Variants in DSCAM observed in about 807,000 individuals in gnomAD.
The protein encoded by DSCAM is DS cell adhesion molecule.
DSCAM carries 47 observed loss-of-function variants against 217.7 expected under a neutral mutation model. That is an observed-to-expected ratio of 0.22 (90% CI 0.17 to 0.28). DSCAM has a LOEUF of 0.28. Among genes scored for constraint, DSCAM ranks in the 10% least tolerant of loss-of-function variants. The pLI, the probability that DSCAM is intolerant of heterozygous loss-of-function variation, is 1.00. For missense variants in DSCAM, 2,080 were observed against 2,618.3 expected (o/e 0.79, Z 4.49); for synonymous variants, 1,056 against 1,015.3 (o/e 1.04, Z -0.76).
intron 1 of DSCAM, among the ~76,000 whole-genome samples, chr21:40,801,666 GT>G (rs770666315): frequency 3.3e-5 from 5 of 152,172 alleles, no homozygotes; most frequent in Non-Finnish European, 5.9e-5. Context: ...AACTGCCCTA[GT>G]TAGGCTCAAG....
Position 40,429,007 on chromosome 21 carries a change from T to C in DSCAM, c.509-59762A>G, listed in dbSNP as rs549742080. Among the ~76,000 whole-genome samples the C allele has an allele frequency of 9.3e-4, 141 of 151,562 alleles. 1 individual carries two copies. The highest frequency in any genetic ancestry group is 4.2e-3 in the South Asian group (20 of 4,816). The stretch of plus-strand genomic sequence containing the variant: ...TGACAGCCCCCACATGGCTACTGAG[T>C]ACATACTGTATAGGAGGCTCTGAGC... On this transcript the variant is annotated intron_variant, in intron 3 of 32. Coordinates refer to ENST00000400454, the MANE Select transcript of DSCAM (RefSeq NM_001389.5).
At chr21:40,482,748 A>G (rs1017998152) in intron 3 of DSCAM, among the ~76,000 whole-genome samples, 3 of 152,130 alleles carry the variant, frequency 2.0e-5, no homozygotes, top group Non-Finnish European at 2.9e-5. Flanking sequence ...GAAGCCCCCT[A>G]TGTTTTCTCC....
intron 9 of DSCAM, among the ~76,000 whole-genome samples, chr21:40,304,325 A>C (rs1277778193): frequency 6.6e-6 from 1 of 152,238 alleles, no homozygotes; most frequent in African/African-American, 2.4e-5. Context: ...CAGCCTTCAT[A>C]GAAGAGAGTT....
intron 1 of DSCAM, among the ~76,000 whole-genome samples, chr21:40,731,726 G>GCCC (rs1458878055): frequency 8.1e-5 from 9 of 111,216 alleles, no homozygotes; most frequent in African/African-American, 1.5e-4. Flanking sequence ...CCTTCCCACT[G>GCCC]CACCCCCCCC....
At chr21:40,512,448 G>C (rs2076266877) in intron 3 of DSCAM, among the ~76,000 whole-genome samples, 1 of 152,062 alleles carries the variant, frequency 6.6e-6, no homozygotes, top group African/African-American at 2.4e-5. Flanking sequence ...TAAAATGTCA[G>C]AGACATGTGA....
chr21:40,361,640 AAAC>A (rs35001547), intron 4 of DSCAM, among the ~76,000 whole-genome samples: 65 of 152,144 alleles, frequency 4.3e-4, no homozygotes, highest in Non-Finnish European at 6.3e-4. Flanking sequence ...ACAAACAAAC[AAAC>A]AACAACAAAA....
intron 6 of DSCAM, among the ~76,000 whole-genome samples, chr21:40,347,060 G>A (rs1285559649): frequency 2.6e-5 from 4 of 152,052 alleles, no homozygotes; most frequent in Admixed American, 6.6e-5. Flanking sequence ...CAGCACTTTG[G>A]GGGGCCGAGG....
intron 3 of DSCAM, among the ~76,000 whole-genome samples, chr21:40,471,115 T>G (rs1842947880): frequency 6.6e-6 from 1 of 152,192 alleles, no homozygotes; most frequent in South Asian, 2.1e-4. Flanking sequence ...TCAGAAACGG[T>G]AGCTTTCTTT....
chr21:40,614,745 G>A (rs1308580381), intron 3 of DSCAM, among the ~76,000 whole-genome samples: 7 of 152,224 alleles, frequency 4.6e-5, no homozygotes, highest in South Asian at 2.1e-4. Context: ...AATACCATGC[G>A]GCCATTCTAC....
Position 40,347,663 on chromosome 21 carries a change from C to T in DSCAM, c.1210+7G>A, listed in dbSNP as rs1380860936. 5 of 1,613,272 alleles carry T rather than the reference C, an allele frequency of 3.1e-6. No individual in the cohort carries two copies. Among genetic ancestry groups the T allele is most frequent in the Non-Finnish European group, 4.2e-6 (5 of 1,179,810 alleles). On this transcript the variant is annotated splice_region_variant and intron_variant, in intron 6 of 32. Transcript: ENST00000400454. ...TTCAGCCATACCCTGAAACGAGGCC[C>T]ACTGACCTTCAAGGACCACCTGCAC...
intron 3 of DSCAM, among the ~76,000 whole-genome samples, chr21:40,534,559 C>T (rs1473347930): frequency 6.6e-6 from 1 of 152,074 alleles, no homozygotes; most frequent in East Asian, 1.9e-4. Flanking sequence ...CAGGCATGTC[C>T]CCAGAACTCT....
intron 10 of DSCAM, among the ~76,000 whole-genome samples, chr21:40,295,566 T>C (rs1012305684): frequency 6.6e-6 from 1 of 152,154 alleles, no homozygotes; most frequent in Admixed American, 6.5e-5. Flanking sequence ...GCCAAGGAGA[T>C]GACGTGTAAT....
intron 1 of DSCAM, among the ~76,000 whole-genome samples, chr21:40,792,092 G>A (rs1418707132): frequency 6.6e-6 from 1 of 150,720 alleles, no homozygotes; most frequent in Non-Finnish European, 1.5e-5. Context: ...TCTTCACATG[G>A]CCATCCCTCT....
chr21:40,247,109 G>A (rs1025419718), intron 11 of DSCAM, among the ~76,000 whole-genome samples: 1 of 152,066 alleles, frequency 6.6e-6, no homozygotes, highest in South Asian at 2.1e-4. Context: ...CATGTGAAAC[G>A]CTGACCCCCA....
At chr21:40,657,200 G>T (rs913554248) in intron 3 of DSCAM, among the ~76,000 whole-genome samples, 10 of 152,276 alleles carry the variant, frequency 6.6e-5, no homozygotes, top group African/African-American at 1.9e-4. Flanking sequence ...GGTAGGTAAG[G>T]TTGCCTTACA....
intron 3 of DSCAM, among the ~76,000 whole-genome samples, chr21:40,686,234 TCA>T (rs1265121557): frequency 8.5e-5 from 2 of 23,412 alleles, no homozygotes; most frequent in East Asian, 6.8e-3. Context: ...CACACAGAGC[TCA>T]CACACCACAC....
chr21:40,752,927 A>G (rs2091242759), intron 1 of DSCAM, among the ~76,000 whole-genome samples: 1 of 152,208 alleles, frequency 6.6e-6, no homozygotes, highest in Non-Finnish European at 1.5e-5. Context: ...GAATGAAGTA[A>G]TAGATGAAAT....
intron 1 of DSCAM, among the ~76,000 whole-genome samples, chr21:40,725,313 CCTTTT>C (rs1179796562): frequency 1.3e-5 from 2 of 151,970 alleles, no homozygotes; most frequent in Non-Finnish European, 2.9e-5. Flanking sequence ...TGTCCAGTTG[CCTTTT>C]CTTATCAGCA....
intron 16 of DSCAM, among the ~76,000 whole-genome samples, chr21:40,148,550 C>T (rs75049662): frequency 0.044 from 6,730 of 152,126 alleles, 196 homozygotes; most frequent in African/African-American, 0.077. Context: ...AGGTAGTGTG[C>T]TAACTCATCT....
Sources: allele counts gnomAD v4.1 joint callset (sites outside exome capture counted in the v4.1 genomes callset), GRCh38; gene constraint gnomAD v4.1.1; transcripts MANE v1.5; gene names NCBI Gene and HGNC (gene_info 2026-07-23, HGNC 2026-07-21).